IL1RAPL1: variants seen among roughly 807,000 people sequenced by gnomAD.
IL1RAPL1 encodes interleukin-1 receptor accessory protein-like 1.
Under a neutral mutation model 48.4 loss-of-function variants are expected in IL1RAPL1, and 3 were observed. The observed-to-expected ratio is 0.06, with a 90% CI of 0.03 to 0.16. IL1RAPL1 has a LOEUF of 0.16. IL1RAPL1 is among the 10% of genes least tolerant of loss of function. The pLI is 1.00. For synonymous variants in IL1RAPL1, 185 were observed against 187.7 expected (o/e 0.99, Z 0.12); for missense variants, 349 against 530.6 (o/e 0.66, Z 3.36).
chrX:29,348,462 A>G (rs1273008932), intron 3 of IL1RAPL1, among the ~76,000 whole-genome samples: 1 of 112,331 alleles, frequency 8.9e-6, no homozygotes, highest in Non-Finnish European at 1.9e-5. Context: ...ACAACTCATT[A>G]ACAAGTGGCC....
intron 5 of IL1RAPL1, among the ~76,000 whole-genome samples, chrX:29,448,490 A>T (rs1220345403): frequency 1.8e-5 from 2 of 112,269 alleles, no homozygotes; most frequent in African/African-American, 6.5e-5. Context: ...ATTCAAAATA[A>T]TTTTAAACAT....
intron 3 of IL1RAPL1, among the ~76,000 whole-genome samples, chrX:29,323,711 TTTTATATATATATATA>T (rs1932820127): frequency 3.9e-4 from 5 of 12,768 alleles, no homozygotes; most frequent in African/African-American, 1.1e-3. Flanking sequence ...ATACTGAATT[TTTTATATATATATATA>T]TATATATATA....
intron 3 of IL1RAPL1, among the ~76,000 whole-genome samples, chrX:29,383,430 T>A (rs1216055932): frequency 8.9e-6 from 1 of 112,222 alleles, no homozygotes; most frequent in Non-Finnish European, 1.9e-5. Flanking sequence ...ACACTTTTAA[T>A]CATACCTCTA....
At chrX:29,894,141 G>A (rs757074366) in intron 6 of IL1RAPL1, among the ~76,000 whole-genome samples, 281 of 111,748 alleles carry the variant, frequency 2.5e-3, no homozygotes, top group African/African-American at 8.6e-3. Flanking sequence ...ATAATACTTC[G>A]CAGTAAGGGC....
At chrX:28,797,878 G>T (rs1424676512) in intron 2 of IL1RAPL1, among the ~76,000 whole-genome samples, 6 of 111,679 alleles carry the variant, frequency 5.4e-5, no homozygotes, top group Non-Finnish European at 9.4e-5. Flanking sequence ...AGACCAAGAA[G>T]AAAAAAAGGT....
At chrX:29,027,327 G>A (rs1926508153) in intron 2 of IL1RAPL1, among the ~76,000 whole-genome samples, 1 of 111,731 alleles carries the variant, frequency 9.0e-6, no homozygotes. Context: ...TTTTCACTTA[G>A]TATCATACAT....
At chrX:29,336,149 C>CT (rs1422785211) in intron 3 of IL1RAPL1, among the ~76,000 whole-genome samples, 5 of 99,658 alleles carry the variant, frequency 5.0e-5, no homozygotes, top group Admixed American at 1.1e-4. Context: ...CCTTATATAC[C>CT]TATATTATTA....
chrX:29,883,653 T>C (rs1182775597), intron 6 of IL1RAPL1, among the ~76,000 whole-genome samples: 1 of 111,789 alleles, frequency 8.9e-6, no homozygotes, highest in Non-Finnish European at 1.9e-5. Flanking sequence ...ACATTTAAGA[T>C]TGGAACAGAG....
chrX:28,758,211 C>T (rs915740007), intron 1 of IL1RAPL1, among the ~76,000 whole-genome samples: 2 of 111,371 alleles, frequency 1.8e-5, no homozygotes, highest in East Asian at 5.6e-4. Flanking sequence ...GATAAGAGGC[C>T]CAGTGAGGAA....
intron 5 of IL1RAPL1, among the ~76,000 whole-genome samples, chrX:29,466,560 T>G (rs987366767): frequency 3.6e-5 from 4 of 110,793 alleles, no homozygotes; most frequent in East Asian, 5.6e-4. Context: ...TTTTTACTTA[T>G]GCAATTTCTC....
At chrX:28,736,394 A>G (rs1385547170) in intron 1 of IL1RAPL1, among the ~76,000 whole-genome samples, 4 of 105,919 alleles carry the variant, frequency 3.8e-5, no homozygotes, top group Non-Finnish European at 5.8e-5. Context: ...AGGTTGTGCC[A>G]TTGTATTCCA....
intron 2 of IL1RAPL1, among the ~76,000 whole-genome samples, chrX:29,027,948 G>GTATGTA (rs1555954424): frequency 9.2e-6 from 1 of 108,790 alleles, no homozygotes; most frequent in African/African-American, 3.4e-5. Context: ...GTGTGTGTGT[G>GTATGTA]TATATTATAT....
At chrX:28,822,453 C>A (rs1936946461) in intron 2 of IL1RAPL1, among the ~76,000 whole-genome samples, 1 of 111,907 alleles carries the variant, frequency 8.9e-6, no homozygotes, top group Admixed American at 9.5e-5. Flanking sequence ...AGGTTGCCAA[C>A]CCCTGTGTTA....
intron 2 of IL1RAPL1, among the ~76,000 whole-genome samples, chrX:28,893,773 C>G (rs907552244): frequency 9.8e-5 from 11 of 111,678 alleles, no homozygotes; most frequent in Non-Finnish European, 1.9e-4. Context: ...GTAACCTACA[C>G]AGAAGAGGTT....
At chrX:29,007,004 A>G (rs779002457) in intron 2 of IL1RAPL1, among the ~76,000 whole-genome samples, 25 of 111,286 alleles carry the variant, frequency 2.2e-4, no homozygotes, top group Non-Finnish European at 4.1e-4. Flanking sequence ...TTGACTCTGC[A>G]TGTAGCAATT....
intron 1 of IL1RAPL1, among the ~76,000 whole-genome samples, chrX:28,743,962 C>CT (rs1214424330): frequency 1.8e-5 from 2 of 110,573 alleles, no homozygotes; most frequent in East Asian, 5.7e-4. Context: ...ATTTGCTAAC[C>CT]TTTTTTAATA....
At chrX:29,849,870 GA>G (rs1323861279) in intron 6 of IL1RAPL1, among the ~76,000 whole-genome samples, 1 of 111,961 alleles carries the variant, frequency 8.9e-6, no homozygotes, top group East Asian at 2.8e-4. Flanking sequence ...GAAGTCATTG[GA>G]AAAATAAGCA....
chrX:29,319,164 A>G (rs748439097), intron 3 of IL1RAPL1, among the ~76,000 whole-genome samples: 180 of 29,335 alleles, frequency 6.1e-3, no homozygotes, highest in Middle Eastern at 0.013. Context: ...CTGTCTGTCT[A>G]TCTATCTATC....
chrX:29,102,268 A>G (rs1305705550), intron 2 of IL1RAPL1, among the ~76,000 whole-genome samples: 1 of 112,351 alleles, frequency 8.9e-6, no homozygotes, highest in East Asian at 2.8e-4. Context: ...CTGGAACATG[A>G]CAAAGATGCC....
Sources: gnomAD v4.1 joint callset for allele counts (sites outside exome capture counted in the v4.1 genomes callset) on GRCh38, gnomAD v4.1.1 for gene constraint, MANE v1.5 for transcripts, NCBI Gene and HGNC (gene_info 2026-07-23, HGNC 2026-07-21) for gene names.